Variants in RLBP1 observed in about 807,000 individuals in gnomAD.
RLBP1 encodes retinaldehyde-binding protein 1.
RLBP1 carries 26 observed loss-of-function variants against 36.2 expected under a neutral mutation model. That is an observed-to-expected ratio of 0.72 (90% confidence interval 0.53 to 1.00). The LOEUF (loss-of-function observed/expected upper bound fraction) is 1.00, where lower values mean the gene tolerates loss of function less well. Ranked by LOEUF, RLBP1 falls within the 50% of genes least tolerant of loss-of-function variation. The pLI, the probability that RLBP1 is intolerant of heterozygous loss-of-function variation, is 0.00. For missense variants in RLBP1, 410 were observed against 402.4 expected (o/e 1.02, Z -0.16); for synonymous variants, 155 against 156.2 (o/e 0.99, Z 0.06).
rs762020753 is a variant in RLBP1 at position 89,210,732 on chromosome 15, G to A, written c.762C>T (p.Val254=). 1.9e-6 allele frequency: 3 copies of A among 1,601,984 alleles called. No homozygotes were observed. Among genetic ancestry groups the A allele is most frequent in the Non-Finnish European group, 2.6e-6 (3 of 1,173,208 alleles). ...PWYFTTTYNV[V]KPFLKSKLLE... is the part of the protein sequence containing the mutation. The stretch of plus-strand genomic sequence containing the variant: ...GCAGCTTGCTCTTCAAGAAGGGCTT[G>A]ACCACATTGTAGGTCGTGGTGAAGT... The change falls in exon 8 of 9, where the codon GTC becomes GTT. Residue 254 remains valine (V), a synonymous_variant. Coordinates refer to ENST00000268125, the MANE Select transcript of RLBP1 (RefSeq NM_000326.5). The surrounding 1 kb of genome is among the most constrained non-coding windows in gnomAD (Gnocchi z 4.7).
At position 89,210,953 on chromosome 15, in the gene RLBP1, C is replaced by G. The variant is rs923543047; in HGVS notation, c.685-144G>C. On this transcript the variant is annotated intron_variant, in intron 7 of 8. Transcript: ENST00000268125. The surrounding 1 kb of genome is among the most constrained non-coding windows in gnomAD (Gnocchi z 4.7). ...CCCTGGAGAAGGGCCCACTGAAGGT[C>G]CTATTTCCAGGCCAGCAACTAGGGA... 2 of 620,968 alleles carry G rather than the reference C, an allele frequency of 3.2e-6. No homozygotes were observed. The highest frequency in any genetic ancestry group is 3.0e-6 in the Non-Finnish European group (1 of 336,642). 38.5% of individuals were successfully genotyped at this position (620,968 alleles called of 1,614,324 possible).
Position 89,217,272 on chromosome 15 carries a change from T to A in RLBP1, c.194A>T (p.Glu65Val). Reference protein sequence around the residue: ...REETREEAVRELQEMVQAQAA... With the variant: ...REETREEAVRVLQEMVQAQAA... ...CTGCGCCTGCACCATCTCCTGCAGC[T>A]CTCGCACTGCCTCCTCCCGGGTCTC... The change falls in exon 5 of 9, where the codon GAG becomes GTG. Residue 65 changes from glutamate to valine, a missense_variant. Glu to Val is a moderately radical substitution (Grantham distance 121). Coordinates refer to ENST00000268125, the MANE Select transcript of RLBP1 (RefSeq NM_000326.5). The A allele has an allele frequency of 6.2e-7, 1 of 1,610,256 alleles. No individual in the cohort carries two copies. Among genetic ancestry groups the A allele is most frequent in the Non-Finnish European group, 8.5e-7 (1 of 1,180,000 alleles).
chr15:89,217,681 A>T (rs921213292), intron 4 of RLBP1, among the ~76,000 whole-genome samples: 2 of 152,232 alleles, frequency 1.3e-5, no homozygotes, highest in Non-Finnish European at 2.9e-5. Context: ...CAGCTCTCAG[A>T]TGAGCAGACT....
rs2051539697 is a variant in RLBP1 at position 89,211,731 on chromosome 15, T to G, written c.684+12A>C. On this transcript the variant is annotated intron_variant, in intron 7 of 8. Transcript: ENST00000268125. The surrounding 1 kb of genome is among the most constrained non-coding windows in gnomAD (Gnocchi z 5.8). ...GTGGGAGGCTGCCGTGCGACAGAAC[T>G]CTAAGCCTCACCTGGAGCATGTCCA... 6.2e-7 allele frequency: 1 copy of G among 1,613,184 alleles called. No individual in the cohort carries two copies. The highest frequency in any genetic ancestry group is 8.5e-7 in the Non-Finnish European group (1 of 1,179,910).
Position 89,218,939 on chromosome 15 carries a change from G to C in RLBP1, c.12+25C>G. The C allele has an allele frequency of 1.9e-6, 3 of 1,613,140 alleles. No individual in the cohort carries two copies. The highest frequency in any genetic ancestry group is 2.5e-6 in the Non-Finnish European group (3 of 1,179,270). On this transcript the variant is annotated intron_variant, in intron 3 of 8. Coordinates refer to ENST00000268125, the MANE Select transcript of RLBP1 (RefSeq NM_000326.5). The surrounding 1 kb of genome is among the most constrained non-coding windows in gnomAD (Gnocchi z 4.6). ...GAAGAGAGGGAAGGTGGGTGGAGGA[G>C]AGCCCTGGAGGACAGGGTACTTACC... is the stretch of plus-strand genomic sequence containing the variant.
rs1293265863 is a variant in RLBP1, at chr15:89,218,507, A to C, written c.141+58T>G. The C allele has an allele frequency of 1.2e-6, 2 of 1,611,604 alleles. No individual in the cohort carries two copies. The highest frequency in any genetic ancestry group is 1.7e-6 in the Non-Finnish European group (2 of 1,178,448). On this transcript the variant is annotated intron_variant, in intron 4 of 8. Coordinates refer to ENST00000268125, the MANE Select transcript of RLBP1 (RefSeq NM_000326.5). This position sits in a 1 kb window ranked among gnomAD's most constrained non-coding sequence, Gnocchi z 4.6. ...TTTTCACAGGAGAGAGAATGCAGTC[A>C]TGTTCCCCTCATGTTGCCTCCCTAG... is the stretch of plus-strand genomic sequence containing the variant.
intron 4 of RLBP1, 108 bp from the exon 5 acceptor site, chr15:89,217,432 G>A (rs762428680): frequency 8.8e-7 from 1 of 1,132,776 alleles, no homozygotes; most frequent in Non-Finnish European, 1.3e-6. Flanking sequence ...GGGGGCCCAG[G>A]GGTCTGCAGC....
intron 5 of RLBP1, among the ~76,000 whole-genome samples, chr15:89,216,303 G>C (rs2051578887): frequency 6.6e-6 from 1 of 151,264 alleles, no homozygotes; most frequent in African/African-American, 2.4e-5. Context: ...TTTCTTGAGG[G>C]AACCACCCCC....
chr15:89,215,975 A>G (rs185448441), intron 5 of RLBP1, among the ~76,000 whole-genome samples: 125 of 152,286 alleles, frequency 8.2e-4, no homozygotes, highest in African/African-American at 2.9e-3. Context: ...TTCCCTGGCC[A>G]CTTTATCTAA....
chr15:89,215,060 C>T lies in RLBP1; in HGVS notation c.525G>A (p.Glu175=), dbSNP rs753278812. 2 of 1,614,078 alleles carry T rather than the reference C, an allele frequency of 1.2e-6. No individual in the cohort carries two copies. The highest frequency in any genetic ancestry group is 1.7e-6 in the Non-Finnish European group (2 of 1,180,036). The change falls in exon 6 of 9, where the codon GAG becomes GAA. Residue 175 remains glutamate (E), a splice_region_variant and synonymous_variant. Transcript: ENST00000268125. ...GGGAGCCAGGCGAGCCCCCACTAAC[C>T]TCATCAAAGGTGATTTCTTGACTTT... ...NWQSQEITFD[E]ILQAYCFILE...
Position 89,210,252 on chromosome 15 carries a change from T to G in RLBP1, c.*33A>C. On this transcript the variant is annotated 3_prime_UTR_variant, in exon 9 of 9. Coordinates refer to ENST00000268125, the MANE Select transcript of RLBP1 (RefSeq NM_000326.5). The surrounding 1 kb of genome is among the most constrained non-coding windows in gnomAD (Gnocchi z 4.7). ...GGACAGTTGAGGAGAGGCCCAGAGA[T>G]TCTAACTACAGTTCAGCTGGCAGGA... 2 of 1,612,512 alleles carry G rather than the reference T, an allele frequency of 1.2e-6. No homozygotes were observed. Among genetic ancestry groups the G allele is most frequent in the African/African-American group, 2.7e-5 (2 of 75,022 alleles).
In RLBP1 at chr15:89,214,622, G is replaced by C. The variant is rs539448612; in HGVS notation, c.525+438C>G. Among the ~76,000 whole-genome samples the C allele has an allele frequency of 1.1e-3, 118 of 111,178 alleles. No homozygotes were observed. The highest frequency in any genetic ancestry group is 4.7e-3 in the African/African-American group (109 of 23,316). The allele number at this position is 111,178 out of a possible 152,430, so 72.9% of individuals were successfully genotyped here. ...TAACGGCTCAGACAAGCAAAATTGCGTACACAATTTTGCGAGCACAAAGAA... is the reference window on the plus strand; with the variant it reads ...TAACGGCTCAGACAAGCAAAATTGCCTACACAATTTTGCGAGCACAAAGAA... On this transcript the variant is annotated intron_variant, in intron 6 of 8. Transcript: ENST00000268125. This position sits in a 1 kb window ranked among gnomAD's most constrained non-coding sequence, Gnocchi z 4.6.
chr15:89,211,206 C>T lies in RLBP1; in HGVS notation c.685-397G>A, dbSNP rs2051535591. Among the ~76,000 whole-genome samples, 1 of 152,172 alleles carries T rather than the reference C, an allele frequency of 6.6e-6. No individual in the cohort carries two copies. Among genetic ancestry groups the T allele is most frequent in the South Asian group, 2.1e-4 (1 of 4,830 alleles). The stretch of plus-strand genomic sequence containing the variant: ...CATCCCTCATTGTCCATCAGCCCCT[C>T]CCACAACCTCCACCTCCCACCCCTC... On this transcript the variant is annotated intron_variant, in intron 7 of 8. Coordinates refer to ENST00000268125, the MANE Select transcript of RLBP1 (RefSeq NM_000326.5). The surrounding 1 kb of genome is among the most constrained non-coding windows in gnomAD (Gnocchi z 5.8).
chr15:89,216,183 C>A (rs2051577873), intron 5 of RLBP1, among the ~76,000 whole-genome samples: 1 of 152,180 alleles, frequency 6.6e-6, no homozygotes, highest in Non-Finnish European at 1.5e-5. Flanking sequence ...CTTGGCACAG[C>A]ATGGCCCTGA....
At position 89,219,413 on chromosome 15, in the gene RLBP1, C is replaced by T. The variant is rs1567124757; in HGVS notation, c.-101+324G>A. 1.4e-5 allele frequency: 3 copies of T among 219,114 alleles called. No individual in the cohort carries two copies. The South Asian group carries it at 2.2e-4, about 16-fold the overall frequency. The allele number at this position is 219,114 out of a possible 1,614,324, so 13.6% of individuals were successfully genotyped here. A position where few individuals can be genotyped will look rare whatever the true frequency, so the allele number is the denominator to read the frequency against. ...TCTGTTCTCAATGACATGATCACTG[C>T]AGGATAAGGCAATCTCTCCTCCCTC... On this transcript the variant is annotated intron_variant, in intron 2 of 8. Coordinates refer to ENST00000268125, the MANE Select transcript of RLBP1 (RefSeq NM_000326.5).
chr15:89,210,463 A>T lies in RLBP1; in HGVS notation c.796-20T>A, dbSNP rs199947996. ...AAAGACCTGCAGGGAAGCAAGGGAG[A>T]CAGAACTGAGCAGGAGGAGGTGCCC... On this transcript the variant is annotated intron_variant, in intron 8 of 8. Transcript: ENST00000268125. This position sits in a 1 kb window ranked among gnomAD's most constrained non-coding sequence, Gnocchi z 4.7. The T allele has an allele frequency of 3.2e-5, 51 of 1,614,010 alleles. No homozygotes were observed. The Middle Eastern group carries it at 6.6e-4, about 21-fold the overall frequency.
chr15:89,221,288 C>A (rs944037632), intron 1 of RLBP1, among the ~76,000 whole-genome samples: 2 of 152,136 alleles, frequency 1.3e-5, no homozygotes. Flanking sequence ...GGATTACAGG[C>A]GTGAGCCTAA....
At position 89,214,558 on chromosome 15, in the gene RLBP1, C is replaced by A. The variant is rs2051563302; in HGVS notation, c.525+502G>T. ...TCAGTGGCGCATGCCAAAGTTCTCCCAAGACAAACCCTAATTCCCCAACTT... is the reference window on the plus strand; with the variant it reads ...TCAGTGGCGCATGCCAAAGTTCTCCAAAGACAAACCCTAATTCCCCAACTT... On this transcript the variant is annotated intron_variant, in intron 6 of 8. Transcript: ENST00000268125. The surrounding 1 kb of genome is among the most constrained non-coding windows in gnomAD (Gnocchi z 4.6). Among the ~76,000 whole-genome samples, 1 of 152,136 alleles carries A rather than the reference C, an allele frequency of 6.6e-6. No homozygotes were observed. Among genetic ancestry groups the A allele is most frequent in the Admixed American group, 6.5e-5 (1 of 15,276 alleles).
intron 6 of RLBP1, 124 bp from the exon 7 acceptor site, chr15:89,212,025 G>T: frequency 2.0e-6 from 2 of 980,494 alleles, no homozygotes; most frequent in South Asian, 1.4e-5. Context: ...CTTTGATCTC[G>T]GACATTCCAC....
Sources: gnomAD v4.1 joint callset for allele counts (sites outside exome capture counted in the v4.1 genomes callset) on GRCh38, gnomAD v4.1.1 for gene constraint, Gnocchi (gnomAD v3.1) non-coding constraint, MANE v1.5 for transcripts, NCBI Gene and HGNC (gene_info 2026-07-23, HGNC 2026-07-21) for gene names.